The following DYTN variants were observed in gnomAD, a reference collection of about 807,000 sequenced individuals.
DYTN encodes the protein dystrotelin.
Under a neutral mutation model 69.6 loss-of-function variants are expected in DYTN, and 75 were observed. The ratio of observed to expected loss-of-function variants is 1.08; its 90% confidence interval spans 0.89 to 1.31. DYTN has a LOEUF of 1.31. Among genes scored for constraint, DYTN ranks in the 50% most tolerant of loss-of-function variants. The pLI is 0.00. For synonymous variants in DYTN, 252 were observed against 249.1 expected (o/e 1.01, Z -0.11); for missense variants, 726 against 688.4 (o/e 1.05, Z -0.61).
intron 11 of DYTN, among the ~76,000 whole-genome samples, chr2:206,657,356 G>A (rs1266460582): frequency 1.3e-5 from 2 of 152,060 alleles, no homozygotes; most frequent in Non-Finnish European, 2.9e-5. Context: ...GCTAGTAACT[G>A]CTTGTTGAAA....
intron 7 of DYTN, among the ~76,000 whole-genome samples, chr2:206,696,617 T>C (rs1024320466): frequency 1.3e-5 from 2 of 152,188 alleles, no homozygotes; most frequent in South Asian, 4.1e-4. Context: ...GGAAACTGAA[T>C]TAAAGAGAGT....
At chr2:206,656,236 C>T (rs1182967586) in intron 11 of DYTN, among the ~76,000 whole-genome samples, 5 of 151,980 alleles carry the variant, frequency 3.3e-5, no homozygotes, top group African/African-American at 9.7e-5. Flanking sequence ...TTTATAATGA[C>T]TTCTTTGTCA....
rs774570195 is a variant in DYTN, at chr2:206,651,798, C to G, written c.*20G>C. On this transcript the variant is annotated 3_prime_UTR_variant, in exon 12 of 12. Transcript: ENST00000452335. ...GCATTTTGTCATCACACCAAGAGGC[C>G]TTTGAGCCTGGACTCCATTTCACTT... is the stretch of plus-strand genomic sequence containing the variant. 31 of 1,610,664 alleles carry G rather than the reference C, an allele frequency of 1.9e-5. No individual in the cohort carries two copies. Among genetic ancestry groups the G allele is most frequent in the Middle Eastern group, 1.7e-4 (1 of 6,060 alleles).
intron 3 of DYTN, among the ~76,000 whole-genome samples, chr2:206,706,718 G>T (rs1700031248): frequency 6.6e-6 from 1 of 151,900 alleles, no homozygotes; most frequent in South Asian, 2.1e-4. Flanking sequence ...TGATACATAA[G>T]GTAAACCAAA....
At chr2:206,674,102 A>C (rs1290406874) in intron 9 of DYTN, among the ~76,000 whole-genome samples, 1 of 152,204 alleles carries the variant, frequency 6.6e-6, no homozygotes, top group Non-Finnish European at 1.5e-5. Context: ...TCTTCCAGAA[A>C]AATTATGCAA....
Position 206,658,984 on chromosome 2 carries a change from C to CTTT in DYTN, c.1633+3916_1633+3918dup, listed in dbSNP as rs35131832. Reference sequence around the variant, plus strand: ...TGAATAATACAGTAAAACAAGAGGACTTTTTTTTTTTTTTTTGCCACAGCA... The same window carrying CTTT: ...TGAATAATACAGTAAAACAAGAGGACTTTTTTTTTTTTTTTTTTTGCCACAGCA... On this transcript the variant is annotated intron_variant, in intron 11 of 11. Transcript: ENST00000452335. Among the ~76,000 whole-genome samples, 354 of 140,084 alleles carry CTTT rather than the reference C, an allele frequency of 2.5e-3. 5 individuals are homozygous for CTTT. The highest frequency in any genetic ancestry group is 0.012 in the South Asian group (54 of 4,470). The allele number at this position is 140,084 out of a possible 152,430, so 91.9% of individuals were successfully genotyped here.
intron 7 of DYTN, among the ~76,000 whole-genome samples, chr2:206,696,158 A>C (rs1289891278): frequency 6.6e-6 from 1 of 152,178 alleles, no homozygotes; most frequent in Non-Finnish European, 1.5e-5. Flanking sequence ...CATGCTATAC[A>C]TGGAAGGCTG....
chr2:206,663,999 T>C (rs561489694), intron 10 of DYTN, among the ~76,000 whole-genome samples: 3 of 152,222 alleles, frequency 2.0e-5, no homozygotes, highest in Admixed American at 2.0e-4. Flanking sequence ...GTTGGTGCTT[T>C]AGTGTGAATC....
At chr2:206,715,248 C>T (rs1278493580) in intron 1 of DYTN, among the ~76,000 whole-genome samples, 3 of 152,060 alleles carry the variant, frequency 2.0e-5, no homozygotes, top group Non-Finnish European at 2.9e-5. Context: ...AGCCCTGGGT[C>T]CTAGGTTTGG....
chr2:206,655,101 A>G (rs1699432572), intron 11 of DYTN, among the ~76,000 whole-genome samples: 1 of 152,212 alleles, frequency 6.6e-6, no homozygotes, highest in Non-Finnish European at 1.5e-5. Context: ...AAAAAGGAAT[A>G]TGATGTTAGC....
intron 9 of DYTN, among the ~76,000 whole-genome samples, chr2:206,677,753 G>A (rs1266603730): frequency 6.6e-6 from 1 of 152,180 alleles, no homozygotes; most frequent in African/African-American, 2.4e-5. Context: ...CACTTTGGGA[G>A]ACTGAGGCGG....
Position 206,705,773 on chromosome 2 carries a change from T to A in DYTN, c.382+15A>T. On this transcript the variant is annotated intron_variant, in intron 4 of 11. Coordinates refer to ENST00000452335, the MANE Select transcript of DYTN (RefSeq NM_001093730.1). The stretch of plus-strand genomic sequence containing the variant: ...TCACTGCACTTTAGGACACCCGCAG[T>A]CCTCTGCATGTTACCTCGGTATTTT... 1 of 1,612,716 alleles carries A rather than the reference T, an allele frequency of 6.2e-7. No homozygotes were observed. The highest frequency in any genetic ancestry group is 1.7e-4 in the Middle Eastern group (1 of 5,924).
chr2:206,675,133 G>GTGTGTGTT (rs1553573111), intron 9 of DYTN, among the ~76,000 whole-genome samples: 1 of 139,172 alleles, frequency 7.2e-6, no homozygotes, highest in African/African-American at 2.7e-5. Context: ...GTGTGTGTGT[G>GTGTGTGTT]TGTGTGTGTG....
intron 5 of DYTN, 85 bp downstream of exon 5, chr2:206,704,758 G>T: frequency 1.7e-6 from 2 of 1,159,888 alleles, no homozygotes; most frequent in African/African-American, 1.5e-5. Context: ...AGATAGACTT[G>T]ACACTGGAGA....
Position 206,699,839 on chromosome 2 carries a change from C to T in DYTN, c.607G>A (p.Glu203Lys), listed in dbSNP as rs780729109. 1 of 1,613,798 alleles carries T rather than the reference C, an allele frequency of 6.2e-7. No homozygotes were observed. Among genetic ancestry groups the T allele is most frequent in the Non-Finnish European group, 8.5e-7 (1 of 1,179,820 alleles). ...GGGAGCCACAGGAGGATGGGAGGCTCAGATTGGACCCAAGACAGGAATTTT... is the reference window on the plus strand; with the variant it reads ...GGGAGCCACAGGAGGATGGGAGGCTTAGATTGGACCCAAGACAGGAATTTT... ...EEKFLSWVQS[E>K]PPILLWLPTC... is the part of the protein sequence containing the mutation. Residue 203 changes from glutamate (E) to lysine (K), a missense_variant, in exon 7 of 12, where the codon GAG becomes AAG. By Grantham distance (56) the Glu-to-Lys change is moderately conservative. Transcript: ENST00000452335.
intron 5 of DYTN, among the ~76,000 whole-genome samples, chr2:206,701,777 T>A (rs1699979903): frequency 6.6e-6 from 1 of 152,182 alleles, no homozygotes; most frequent in African/African-American, 2.4e-5. Flanking sequence ...AGGTTTGAAG[T>A]ATCCTCAAAC....
chr2:206,667,676 ATTCTGGCAAC>A (rs1699587769), intron 9 of DYTN, among the ~76,000 whole-genome samples: 1 of 149,050 alleles, frequency 6.7e-6, no homozygotes, highest in South Asian at 2.1e-4. Context: ...TTGTCTATTT[ATTCTGGCAAC>A]TTTGCGTGTG....
At chr2:206,702,925 C>T (rs1699988976) in intron 5 of DYTN, among the ~76,000 whole-genome samples, 2 of 152,200 alleles carry the variant, frequency 1.3e-5, no homozygotes, top group African/African-American at 4.8e-5. Context: ...CAGGCAGACA[C>T]CACTTGAAAC....
chr2:206,693,426 T>C, intron 8 of DYTN, 103 bp from the exon 9 acceptor site: 5 of 1,429,482 alleles, frequency 3.5e-6, no homozygotes, highest in Admixed American at 2.3e-5. Flanking sequence ...TTTGGAATTA[T>C]TTCTCTTAAG....
Sources: gnomAD v4.1 joint callset for allele counts (sites outside exome capture counted in the v4.1 genomes callset) on GRCh38, gnomAD v4.1.1 for gene constraint, MANE v1.5 for transcripts, NCBI Gene and HGNC (gene_info 2026-07-23, HGNC 2026-07-21) for gene names.